Variants in CNTNAP5 observed in about 807,000 individuals in gnomAD.
CNTNAP5 encodes the protein contactin-associated protein-like 5.
A neutral mutation model predicts 150.2 loss-of-function variants in CNTNAP5; 72 were observed. The ratio of observed to expected loss-of-function variants is 0.48; its 90% CI spans 0.40 to 0.58. The LOEUF (loss-of-function observed/expected upper bound fraction) is 0.58. Among genes scored for constraint, CNTNAP5 ranks in the 20% least tolerant of loss-of-function variants. The pLI is 0.00. For missense variants in CNTNAP5, 1,636 were observed against 1,626.2 expected, an observed-to-expected ratio of 1.01 and a Z score of -0.10; for synonymous variants, 672 against 619.8, an observed-to-expected ratio of 1.08 and a Z score of -1.25.
At position 124,619,093 on chromosome 2, in the gene CNTNAP5, C is replaced by T. The variant is rs186196015; in HGVS notation, c.1876+9173C>T. On this transcript the variant is annotated intron_variant, in intron 12 of 23. Transcript: ENST00000682447. ...TAATATTTTGTCAAAAGGTAGTTCT[C>T]GGCTTCATACCTCCATCGGATGATA... Among the ~76,000 whole-genome samples the T allele has an allele frequency of 3.3e-5, 5 of 152,266 alleles. No individual in the cohort carries two copies. The East Asian group carries it at 5.8e-4, about 18-fold the overall frequency.
intron 13 of CNTNAP5, among the ~76,000 whole-genome samples, chr2:124,708,085 G>A (rs1679730860): frequency 6.6e-6 from 1 of 152,126 alleles, no homozygotes; most frequent in Non-Finnish European, 1.5e-5. Flanking sequence ...TTACAACTAG[G>A]CTTATGATGT....
chr2:124,708,182 G>T (rs78525379), intron 13 of CNTNAP5, among the ~76,000 whole-genome samples: 6,343 of 152,172 alleles, frequency 0.042, 482 homozygotes, highest in African/African-American at 0.15. Flanking sequence ...AACTCAAATA[G>T]TCAAAATGGA....
chr2:124,771,175 A>C (rs539271656), intron 16 of CNTNAP5, among the ~76,000 whole-genome samples: 1 of 152,288 alleles, frequency 6.6e-6, no homozygotes, highest in African/African-American at 2.4e-5. Context: ...CATTTCCGAT[A>C]ATTTAAATCT....
chr2:124,543,349 T>A (rs1695434896), intron 10 of CNTNAP5, among the ~76,000 whole-genome samples: 1 of 152,022 alleles, frequency 6.6e-6, no homozygotes, highest in South Asian at 2.1e-4. Flanking sequence ...AGAAGGCAGC[T>A]CCAGAGAAAT....
rs1679682605 is a variant in CNTNAP5, at chr2:124,707,043, AGGAGGAGG to A, written c.2078-40185_2078-40178del. 3.1e-4 allele frequency among the ~76,000 whole-genome samples: 39 copies of A among 125,642 alleles called. 1 individual carries two copies. The highest frequency in any genetic ancestry group is 1.3e-3 in the African/African-American group (39 of 30,352). The allele number at this position is 125,642 out of a possible 152,430, so 82.4% of individuals were successfully genotyped here. On this transcript the variant is annotated intron_variant, in intron 13 of 23. Coordinates refer to ENST00000682447, the MANE Select transcript of CNTNAP5 (RefSeq NM_001367498.1). ...GAGAAGAAGAAGAAGAAGAAGAAGG[AGGAGGAGG>A]AGGAGGAGGAGAGGAAGAGGAAGAA...
At chr2:124,066,808 CTG>C (rs1682172995) in intron 1 of CNTNAP5, among the ~76,000 whole-genome samples, 1 of 152,098 alleles carries the variant, frequency 6.6e-6, no homozygotes, top group Admixed American at 6.6e-5. Flanking sequence ...TTTTTGTGCA[CTG>C]TAAAAATTAT....
chr2:124,168,850 T>C (rs900266204), intron 1 of CNTNAP5, among the ~76,000 whole-genome samples: 1 of 152,200 alleles, frequency 6.6e-6, no homozygotes, highest in African/African-American at 2.4e-5. Flanking sequence ...TAATACATAC[T>C]GTCAATTGAG....
chr2:124,695,290 G>T (rs1044389560), intron 13 of CNTNAP5, among the ~76,000 whole-genome samples: 6 of 152,148 alleles, frequency 3.9e-5, no homozygotes, highest in Non-Finnish European at 8.8e-5. Flanking sequence ...ACAATCTCAA[G>T]ATCACAGACA....
Position 124,353,103 on chromosome 2 carries a change from T to C in CNTNAP5, c.382-64340T>C, listed in dbSNP as rs1689915115. Among the ~76,000 whole-genome samples, 5 of 152,180 alleles carry C rather than the reference T, an allele frequency of 3.3e-5. No homozygotes were observed. The South Asian group carries it at 1.0e-3, about 32-fold the overall frequency. On this transcript the variant is annotated intron_variant, in intron 3 of 23. Coordinates refer to ENST00000682447, the MANE Select transcript of CNTNAP5 (RefSeq NM_001367498.1). ...GGAAAGGAGAGCCCCAGCTGACATCTTGTGGAATGACACAAAGATCACAGT... is the reference window on the plus strand; with the variant it reads ...GGAAAGGAGAGCCCCAGCTGACATCCTGTGGAATGACACAAAGATCACAGT...
At chr2:124,212,550 T>C (rs1297585373) in intron 1 of CNTNAP5, among the ~76,000 whole-genome samples, 1 of 152,210 alleles carries the variant, frequency 6.6e-6, no homozygotes, top group Non-Finnish European at 1.5e-5. Context: ...ATTTTACCTG[T>C]TACACTCAAT....
chr2:124,293,573 G>A (rs2104636677), intron 3 of CNTNAP5, among the ~76,000 whole-genome samples: 1 of 152,122 alleles, frequency 6.6e-6, no homozygotes, highest in South Asian at 2.1e-4. Flanking sequence ...TAGAACTTGT[G>A]AAAATTATTT....
At chr2:124,189,204 C>A (rs1685405424) in intron 1 of CNTNAP5, among the ~76,000 whole-genome samples, 1 of 152,068 alleles carries the variant, frequency 6.6e-6, no homozygotes, top group Non-Finnish European at 1.5e-5. Context: ...GTAAACAAAA[C>A]AATTAATTTC....
At chr2:124,041,868 T>G (rs1462354667) in intron 1 of CNTNAP5, among the ~76,000 whole-genome samples, 1 of 152,064 alleles carries the variant, frequency 6.6e-6, no homozygotes, top group Non-Finnish European at 1.5e-5. Context: ...CATATATATA[T>G]ATATATAATT....
rs1473315583 is a variant in CNTNAP5, at chr2:124,140,195, G to A, written c.83-81510G>A. Among the ~76,000 whole-genome samples, 208 of 149,270 alleles carry A rather than the reference G, an allele frequency of 1.4e-3. 1 individual carries two copies. Among genetic ancestry groups the A allele is most frequent in the African/African-American group, 4.6e-3 (187 of 40,626 alleles). On this transcript the variant is annotated intron_variant, in intron 1 of 23. Transcript: ENST00000682447. ...GCAGTCTGAGATCAAACTGCAAGGCGGCAACGAGGCTGGGGGAGGGGCGCC... is the reference window on the plus strand; with the variant it reads ...GCAGTCTGAGATCAAACTGCAAGGCAGCAACGAGGCTGGGGGAGGGGCGCC...
chr2:124,130,009 A>T (rs1371146), intron 1 of CNTNAP5, among the ~76,000 whole-genome samples: 20,396 of 152,108 alleles, frequency 0.13, 1,458 homozygotes, highest in Middle Eastern at 0.23. Flanking sequence ...CCGGTCTGGG[A>T]TCTCATCTTC....
Position 124,551,763 on chromosome 2 carries a change from G to T in CNTNAP5, c.1650-11454G>T, listed in dbSNP as rs756645088. ...ATCTGAACATTTGGGAATTTCAAAG[G>T]CCTGTCATTTGGTGTCCTATTCATT... On this transcript the variant is annotated intron_variant, in intron 10 of 23. Transcript: ENST00000682447. Among the ~76,000 whole-genome samples, 6 of 152,302 alleles carry T rather than the reference G, an allele frequency of 3.9e-5. No homozygotes were observed. In the South Asian group the frequency reaches 6.2e-4, roughly 16 times the overall value.
intron 4 of CNTNAP5, among the ~76,000 whole-genome samples, chr2:124,428,159 C>T (rs544642909): frequency 6.6e-6 from 1 of 152,246 alleles, no homozygotes; most frequent in East Asian, 1.9e-4. Context: ...CTTCCACTCC[C>T]TCCTTCTATT....
intron 3 of CNTNAP5, among the ~76,000 whole-genome samples, chr2:124,408,008 G>C (rs571329303): frequency 6.6e-6 from 1 of 152,166 alleles, no homozygotes; most frequent in African/African-American, 2.4e-5. Context: ...GACAGTGGGC[G>C]CAGGTCAGTG....
intron 13 of CNTNAP5, among the ~76,000 whole-genome samples, chr2:124,729,777 A>G (rs1469955628): frequency 6.6e-6 from 1 of 152,150 alleles, no homozygotes; most frequent in Non-Finnish European, 1.5e-5. Context: ...TTTCTCTATA[A>G]CCAGAAATGA....
Sources: allele counts gnomAD v4.1 joint callset (sites outside exome capture counted in the v4.1 genomes callset), GRCh38; gene constraint gnomAD v4.1.1; transcripts MANE v1.5; gene names NCBI Gene and HGNC (gene_info 2026-07-23, HGNC 2026-07-21).